Variants in KCNH7 observed in about 807,000 individuals in gnomAD.
KCNH7 encodes the protein voltage-gated inwardly rectifying potassium channel KCNH7.
KCNH7 carries 49 observed loss-of-function variants against 120.8 expected under a neutral mutation model. That is an observed-to-expected ratio of 0.41 (90% CI 0.32 to 0.51). The LOEUF (loss-of-function observed/expected upper bound fraction) is 0.51. Among genes scored for constraint, KCNH7 ranks in the 20% least tolerant of loss-of-function variants. The probability of loss-of-function intolerance (pLI) is 0.38; values close to 1 mark genes in which losing one functional copy is unlikely to be tolerated. For synonymous variants in KCNH7, 547 were observed against 516.1 expected (o/e 1.06, Z -0.81); for missense variants, 1,097 against 1,446.6 (o/e 0.76, Z 3.92).
chr2:162,644,810 T>G (rs1373737615), intron 2 of KCNH7, among the ~76,000 whole-genome samples: 1 of 152,194 alleles, frequency 6.6e-6, no homozygotes, highest in Non-Finnish European at 1.5e-5. Context: ...CAAAAACCTT[T>G]AAACCTCCTT....
At chr2:162,655,209 A>G (rs563255636) in intron 2 of KCNH7, among the ~76,000 whole-genome samples, 1 of 152,342 alleles carries the variant, frequency 6.6e-6, no homozygotes, top group Non-Finnish European at 1.5e-5. Context: ...ATGTATACGT[A>G]TTTCAAAACA....
chr2:162,394,601 T>TA, intron 11 of KCNH7, 116 bp from the exon 12 acceptor site: 1 of 639,322 alleles, frequency 1.6e-6, no homozygotes, highest in East Asian at 2.8e-5. Context: ...ACTTAATTAT[T>TA]AGATTGCAGG....
At chr2:162,637,889 T>C (rs1413249611) in intron 2 of KCNH7, among the ~76,000 whole-genome samples, 2 of 152,192 alleles carry the variant, frequency 1.3e-5, no homozygotes, top group East Asian at 3.9e-4. Flanking sequence ...AGTGCTTGTG[T>C]TTGAATTATC....
chr2:162,824,785 T>C (rs1198314196), intron 2 of KCNH7, among the ~76,000 whole-genome samples: 3 of 152,034 alleles, frequency 2.0e-5, no homozygotes, highest in African/African-American at 7.2e-5. Context: ...AGAAGATTGT[T>C]TATTTATTAT....
chr2:162,442,090 A>C (rs1357779961), intron 7 of KCNH7, among the ~76,000 whole-genome samples: 1 of 122,912 alleles, frequency 8.1e-6, no homozygotes, highest in African/African-American at 3.0e-5. Flanking sequence ...GATCTCTGCT[A>C]TCTCTGCTCA....
chr2:162,545,079 G>A (rs1692433158), intron 2 of KCNH7, among the ~76,000 whole-genome samples: 1 of 152,094 alleles, frequency 6.6e-6, no homozygotes, highest in Non-Finnish European at 1.5e-5. Flanking sequence ...GCAGAAGCAA[G>A]CTTTGAACTG....
Position 162,371,914 on chromosome 2 carries a change from G to T in KCNH7, c.3506C>A (p.Pro1169His). ...GCTTAGGGATGAATCTGGCAAAGAA[G>T]GATGCCTAATTGGATGAACGTAAGT... ...RKTYVHPIRH[P>H]SLPDSSLSTV... Residue 1169 changes from proline (P) to histidine (H), a missense_variant, in exon 16 of 16, where the codon CCT becomes CAT. Coordinates refer to ENST00000332142, the MANE Select transcript of KCNH7 (RefSeq NM_033272.4). 2 of 1,613,756 alleles carry T rather than the reference G, an allele frequency of 1.2e-6. No homozygotes were observed. The highest frequency in any genetic ancestry group is 8.5e-7 in the Non-Finnish European group (1 of 1,179,750).
chr2:162,767,534 A>G (rs1020282103), intron 2 of KCNH7, among the ~76,000 whole-genome samples: 4 of 152,022 alleles, frequency 2.6e-5, no homozygotes, highest in Non-Finnish European at 5.9e-5. Flanking sequence ...TAACTCATCT[A>G]TTTGGAATTA....
chr2:162,750,016 G>A (rs778542925), intron 2 of KCNH7, among the ~76,000 whole-genome samples: 3 of 152,258 alleles, frequency 2.0e-5, no homozygotes, highest in Non-Finnish European at 4.4e-5. Context: ...TTACACTGGG[G>A]ACTTAGATAG....
At chr2:162,411,687 ATAG>A (rs1159043584) in intron 9 of KCNH7, among the ~76,000 whole-genome samples, 3 of 152,018 alleles carry the variant, frequency 2.0e-5, no homozygotes, top group African/African-American at 7.2e-5. Context: ...CAAGGATATT[ATAG>A]TAGTATTAGT....
At chr2:162,765,556 TCTC>T (rs1682764735) in intron 2 of KCNH7, among the ~76,000 whole-genome samples, 2 of 152,088 alleles carry the variant, frequency 1.3e-5, no homozygotes, top group Non-Finnish European at 2.9e-5. Flanking sequence ...ACCACACTGT[TCTC>T]CTAACAAGCA....
chr2:162,553,512 G>T, intron 2 of KCNH7, among the ~76,000 whole-genome samples: 1 of 152,286 alleles, frequency 6.6e-6, no homozygotes, highest in Middle Eastern at 3.4e-3. Flanking sequence ...AGCGGGGTGT[G>T]GTGGCGGGCG....
In KCNH7 at chr2:162,483,431, A is replaced by G. The variant is rs1689993322; in HGVS notation, c.1128+21012T>C. Among the ~76,000 whole-genome samples, 4 of 152,146 alleles carry G rather than the reference A, an allele frequency of 2.6e-5. No individual in the cohort carries two copies. In the South Asian group the frequency reaches 8.3e-4, roughly 31 times the overall value. On this transcript the variant is annotated intron_variant, in intron 6 of 15. Transcript: ENST00000332142. Reference sequence around the variant, plus strand: ...CAGATTTCAATTTCACATAGAATGGAAGAGGGATTCTGCAGTGTGGAACTA... The same window carrying G: ...CAGATTTCAATTTCACATAGAATGGGAGAGGGATTCTGCAGTGTGGAACTA...
chr2:162,746,030 T>C (rs6432735), intron 2 of KCNH7, among the ~76,000 whole-genome samples: 43,858 of 151,942 alleles, frequency 0.29, 10,750 homozygotes, highest in African/African-American at 0.66. Flanking sequence ...AAAATGAAAC[T>C]AATAAACTTT....
At chr2:162,550,787 A>AGG (rs2105856637) in intron 2 of KCNH7, among the ~76,000 whole-genome samples, 1 of 152,260 alleles carries the variant, frequency 6.6e-6, no homozygotes, top group South Asian at 2.1e-4. Flanking sequence ...TTTGGTAAGC[A>AGG]GGCATTCCGT....
chr2:162,810,505 G>T (rs1053588434), intron 2 of KCNH7, among the ~76,000 whole-genome samples: 6 of 152,062 alleles, frequency 3.9e-5, no homozygotes, highest in African/African-American at 1.4e-4. Context: ...GTTTTATACT[G>T]CATTTGGTTT....
intron 2 of KCNH7, among the ~76,000 whole-genome samples, chr2:162,572,930 G>A (rs991976656): frequency 6.6e-6 from 1 of 152,100 alleles, no homozygotes; most frequent in Non-Finnish European, 1.5e-5. Context: ...ATAGCATTGG[G>A]AGATATACCT....
rs75456472 is a variant in KCNH7 at position 162,821,998 on chromosome 2, G to C, written c.307+14539C>G. On this transcript the variant is annotated intron_variant, in intron 2 of 15. Transcript: ENST00000332142. ...GGGAGTCCAAGTTGTCCAAACTGCT[G>C]ATATTTTCAATATAGCCACACCTAA... Among the ~76,000 whole-genome samples the C allele has an allele frequency of 6.3e-3, 950 of 150,770 alleles. 6 individuals are homozygous for C. Among genetic ancestry groups the C allele is most frequent in the Middle Eastern group, 0.017 (5 of 286 alleles).
At chr2:162,615,725 G>T (rs569901637) in intron 2 of KCNH7, among the ~76,000 whole-genome samples, 2 of 151,992 alleles carry the variant, frequency 1.3e-5, no homozygotes. Context: ...AAACAATGAG[G>T]TTATGAAACT....
Sources: gnomAD v4.1 joint callset for allele counts (sites outside exome capture counted in the v4.1 genomes callset) on GRCh38, gnomAD v4.1.1 for gene constraint, MANE v1.5 for transcripts, NCBI Gene and HGNC (gene_info 2026-07-23, HGNC 2026-07-21) for gene names.